The following KCND2 variants were observed in gnomAD, a reference collection of about 807,000 sequenced individuals.
The protein encoded by KCND2 is A-type voltage-gated potassium channel KCND2.
Under a neutral mutation model 54.4 loss-of-function variants are expected in KCND2, and 16 were observed. The observed-to-expected ratio is 0.29, with a 90% CI of 0.20 to 0.45. The LOEUF (loss-of-function observed/expected upper bound fraction) is 0.45. Ranked by LOEUF, KCND2 falls within the 20% of genes least tolerant of loss-of-function variation. The pLI is 1.00. For missense variants in KCND2, 486 were observed against 824.2 expected (o/e 0.59, Z 5.02); for synonymous variants, 317 against 310.7 (o/e 1.02, Z -0.21).
chr7:120,490,075 G>A (rs923404813), intron 1 of KCND2, among the ~76,000 whole-genome samples: 5 of 152,084 alleles, frequency 3.3e-5, no homozygotes, highest in Admixed American at 3.3e-4. Context: ...ATCCCTGGAA[G>A]GCAGACCAGA....
At chr7:120,531,092 A>T (rs79327821) in intron 1 of KCND2, among the ~76,000 whole-genome samples, 4,800 of 152,128 alleles carry the variant, frequency 0.032, 235 homozygotes, top group African/African-American at 0.11. Context: ...TGGATGTTAA[A>T]TTTATGGCCA....
intron 2 of KCND2, among the ~76,000 whole-genome samples, chr7:120,739,890 T>A (rs1792919716): frequency 6.6e-6 from 1 of 151,744 alleles, no homozygotes; most frequent in Non-Finnish European, 1.5e-5. Context: ...GTAGATAAGC[T>A]CATCATCATA....
At chr7:120,571,639 A>G (rs985262168) in intron 1 of KCND2, among the ~76,000 whole-genome samples, 1 of 152,214 alleles carries the variant, frequency 6.6e-6, no homozygotes, top group African/African-American at 2.4e-5. Flanking sequence ...GCCCCTCTGC[A>G]TGTTTAACAT....
chr7:120,326,280 A>G (rs905486935), intron 1 of KCND2, among the ~76,000 whole-genome samples: 1 of 152,074 alleles, frequency 6.6e-6, no homozygotes, highest in Non-Finnish European at 1.5e-5. Flanking sequence ...CCTTTTTAAT[A>G]CAGTTTATTA....
At chr7:120,334,807 T>C (rs1338449579) in intron 1 of KCND2, among the ~76,000 whole-genome samples, 1 of 152,194 alleles carries the variant, frequency 6.6e-6, no homozygotes, top group East Asian at 1.9e-4. Context: ...TAATGAGTCT[T>C]CTTAATATGT....
chr7:120,681,849 T>TA (rs954840859), intron 1 of KCND2, among the ~76,000 whole-genome samples: 1 of 152,008 alleles, frequency 6.6e-6, no homozygotes, highest in Non-Finnish European at 1.5e-5. Context: ...AATGTCCATA[T>TA]AAAATGGCCT....
At chr7:120,640,487 A>T (rs66521258) in intron 1 of KCND2, among the ~76,000 whole-genome samples, 22,159 of 152,104 alleles carry the variant, frequency 0.15, 1,787 homozygotes, top group African/African-American at 0.17. Context: ...ATTTGCATCA[A>T]CGTGCATTTC....
chr7:120,531,945 T>G (rs1791848029), intron 1 of KCND2, among the ~76,000 whole-genome samples: 1 of 152,268 alleles, frequency 6.6e-6, no homozygotes, highest in Non-Finnish European at 1.5e-5. Flanking sequence ...GTCTTGTGGC[T>G]TTAAAGATTA....
chr7:120,394,163 C>T (rs1801117728), intron 1 of KCND2, among the ~76,000 whole-genome samples: 1 of 151,956 alleles, frequency 6.6e-6, no homozygotes, highest in African/African-American at 2.4e-5. Flanking sequence ...TGATACAAGG[C>T]TGGCCACATA....
At chr7:120,322,288 A>G (rs1200215128) in intron 1 of KCND2, among the ~76,000 whole-genome samples, 4 of 152,074 alleles carry the variant, frequency 2.6e-5, no homozygotes, top group Admixed American at 1.3e-4. Context: ...ACATTTAGAA[A>G]TATAATGTAA....
At chr7:120,625,771 T>C (rs530647590) in intron 1 of KCND2, among the ~76,000 whole-genome samples, 1 of 152,180 alleles carries the variant, frequency 6.6e-6, no homozygotes, top group South Asian at 2.1e-4. Context: ...AAATCTTGGA[T>C]ATGTCAGACA....
intron 1 of KCND2, among the ~76,000 whole-genome samples, chr7:120,328,299 T>C (rs1410689686): frequency 6.6e-6 from 1 of 152,162 alleles, no homozygotes; most frequent in African/African-American, 2.4e-5. Context: ...TTATTGGATA[T>C]TAACTTTGTG....
chr7:120,299,147 C>T (rs139636852), intron 1 of KCND2, among the ~76,000 whole-genome samples: 13 of 151,788 alleles, frequency 8.6e-5, no homozygotes, highest in Admixed American at 3.3e-4. Flanking sequence ...GCAATAAGAG[C>T]GAAACTCTGT....
At chr7:120,421,651 A>C (rs1801625828) in intron 1 of KCND2, among the ~76,000 whole-genome samples, 1 of 152,224 alleles carries the variant, frequency 6.6e-6, no homozygotes, top group African/African-American at 2.4e-5. Context: ...TGCCTTTTGA[A>C]GAGAATCTGG....
intron 1 of KCND2, among the ~76,000 whole-genome samples, chr7:120,635,670 G>A (rs2116521856): frequency 6.6e-6 from 1 of 152,080 alleles, no homozygotes; most frequent in South Asian, 2.1e-4. Flanking sequence ...GTTTTATTAA[G>A]GGCAATAAAA....
chr7:120,666,123 G>T (rs1423471093), intron 1 of KCND2, among the ~76,000 whole-genome samples: 2 of 152,010 alleles, frequency 1.3e-5, no homozygotes, highest in Non-Finnish European at 2.9e-5. Context: ...AGTGCATCAT[G>T]CCTGTCCAGC....
chr7:120,378,775 T>C (rs890557723), intron 1 of KCND2, among the ~76,000 whole-genome samples: 7 of 151,986 alleles, frequency 4.6e-5, no homozygotes, highest in Non-Finnish European at 1.0e-4. Context: ...CAAGAATAAT[T>C]TACTTTCTTA....
intron 1 of KCND2, among the ~76,000 whole-genome samples, chr7:120,353,133 CTTTTTT>C (rs72353278): frequency 2.7e-4 from 25 of 91,794 alleles, no homozygotes; most frequent in Middle Eastern, 0.012. Context: ...AATACTTTTA[CTTTTTT>C]TTTTTTTTTT....
At chr7:120,740,943 A>T (rs895363368) in intron 2 of KCND2, 1 of 453,038 alleles carries the variant, frequency 2.2e-6, no homozygotes, top group African/African-American at 2.0e-5. Context: ...TTAGAGAGAG[A>T]GTCCATGTTG....
Sources: allele counts gnomAD v4.1 joint callset (sites outside exome capture counted in the v4.1 genomes callset), GRCh38; gene constraint gnomAD v4.1.1; transcripts MANE v1.5; gene names NCBI Gene and HGNC (gene_info 2026-07-23, HGNC 2026-07-21).